IL1RAPL2: variants seen among roughly 807,000 people sequenced by gnomAD.
IL1RAPL2 encodes the protein X-linked interleukin-1 receptor accessory protein-like 2.
In IL1RAPL2, 3 loss-of-function variants were observed where a neutral mutation model predicts 44.1. That is an observed-to-expected ratio of 0.07 (90% CI 0.03 to 0.18). The LOEUF is 0.18. Ranked by LOEUF, IL1RAPL2 falls within the 10% of genes least tolerant of loss-of-function variation. IL1RAPL2 has a pLI of 1.00. For synonymous variants in IL1RAPL2, 181 were observed against 178.8 expected (o/e 1.01, Z -0.10); for missense variants, 391 against 496.4 (o/e 0.79, Z 2.02).
At chrX:104,676,914 C>G (rs772496679) in intron 2 of IL1RAPL2, among the ~76,000 whole-genome samples, 1 of 112,043 alleles carries the variant, frequency 8.9e-6, no homozygotes, top group East Asian at 2.8e-4. Flanking sequence ...CTTCTGCATT[C>G]TTCACGTAGT....
At chrX:105,136,218 AGT>A (rs1293170010) in intron 2 of IL1RAPL2, among the ~76,000 whole-genome samples, 1 of 111,956 alleles carries the variant, frequency 8.9e-6, no homozygotes, top group Non-Finnish European at 1.9e-5. Context: ...TCATTAGGAT[AGT>A]GTTTATTCAC....
intron 3 of IL1RAPL2, among the ~76,000 whole-genome samples, chrX:105,198,090 C>T (rs1454301976): frequency 2.7e-5 from 3 of 111,794 alleles, no homozygotes; most frequent in African/African-American, 9.7e-5. Context: ...TTATTTACAG[C>T]TGCATAGTAT....
chrX:105,044,982 A>G lies in IL1RAPL2; in HGVS notation c.83-150493A>G, dbSNP rs564815300. Among the ~76,000 whole-genome samples the G allele has an allele frequency of 6.9e-4, 77 of 111,723 alleles. 1 individual carries two copies. The South Asian group carries it at 0.012, about 17-fold the overall frequency. Reference sequence around the variant, plus strand: ...CTACCATGGTATAGATTGGAGCCAGAGGACAGATAACTCTAAGAGCAATAC... The same window carrying G: ...CTACCATGGTATAGATTGGAGCCAGGGGACAGATAACTCTAAGAGCAATAC... On this transcript the variant is annotated intron_variant, in intron 2 of 10. Transcript: ENST00000372582.
chrX:105,434,670 C>T (rs974700258), intron 5 of IL1RAPL2, among the ~76,000 whole-genome samples: 14 of 111,866 alleles, frequency 1.3e-4, no homozygotes, highest in African/African-American at 4.5e-4. Flanking sequence ...GTTGCCTGTT[C>T]GCTGTGATGA....
chrX:105,690,423 C>G (rs1340872325), intron 6 of IL1RAPL2, among the ~76,000 whole-genome samples: 1 of 110,869 alleles, frequency 9.0e-6, no homozygotes, highest in East Asian at 2.8e-4. Context: ...TAAGTAGATG[C>G]AATATTAGCT....
At chrX:104,576,551 T>C (rs1206901724) in intron 1 of IL1RAPL2, among the ~76,000 whole-genome samples, 1 of 111,685 alleles carries the variant, frequency 9.0e-6, no homozygotes, top group Non-Finnish European at 1.9e-5. Flanking sequence ...AGGTGGTAAT[T>C]GCAATCTGTT....
intron 2 of IL1RAPL2, among the ~76,000 whole-genome samples, chrX:104,774,067 T>A (rs1217692351): frequency 1.8e-5 from 2 of 111,682 alleles, no homozygotes; most frequent in African/African-American, 6.5e-5. Flanking sequence ...TGAGGCATAT[T>A]TTTTCTCTTT....
chrX:105,313,192 A>C (rs192541444), intron 5 of IL1RAPL2, among the ~76,000 whole-genome samples: 1 of 111,720 alleles, frequency 9.0e-6, no homozygotes, highest in African/African-American at 3.2e-5. Context: ...TTTTTTTGCT[A>C]TCTCCCAAAA....
chrX:104,631,897 T>C lies in IL1RAPL2; in HGVS notation c.-19-26998T>C, dbSNP rs774175332. On this transcript the variant is annotated intron_variant, in intron 1 of 10. Coordinates refer to ENST00000372582, the MANE Select transcript of IL1RAPL2 (RefSeq NM_017416.2). Reference sequence around the variant, plus strand: ...TTTGTTGCCATTGCTTTTGGTGTTTTAGACATGAAGTCCTTGCCCATGCCT... The same window carrying C: ...TTTGTTGCCATTGCTTTTGGTGTTTCAGACATGAAGTCCTTGCCCATGCCT... Among the ~76,000 whole-genome samples, 276 of 110,324 alleles carry C rather than the reference T, an allele frequency of 2.5e-3. 1 individual carries two copies. Among genetic ancestry groups the C allele is most frequent in the Non-Finnish European group, 3.5e-3 (187 of 52,690 alleles).
intron 9 of IL1RAPL2, among the ~76,000 whole-genome samples, chrX:105,750,214 C>T (rs1162259603): frequency 4.7e-5 from 5 of 106,887 alleles, no homozygotes; most frequent in Non-Finnish European, 9.6e-5. Context: ...TAGTAAATTA[C>T]AGAAATTCTT....
At chrX:105,216,802 A>G (rs930531885) in intron 3 of IL1RAPL2, among the ~76,000 whole-genome samples, 2 of 111,648 alleles carry the variant, frequency 1.8e-5, no homozygotes, top group African/African-American at 3.3e-5. Flanking sequence ...AACACCACAC[A>G]TCTACAACCA....
At chrX:105,189,953 T>C (rs1602999369) in intron 2 of IL1RAPL2, among the ~76,000 whole-genome samples, 1 of 112,155 alleles carries the variant, frequency 8.9e-6, no homozygotes, top group African/African-American at 3.2e-5. Context: ...TTATAAGTTC[T>C]GTGTCTAACT....
At chrX:104,856,600 A>G (rs1423702696) in intron 2 of IL1RAPL2, among the ~76,000 whole-genome samples, 2 of 111,711 alleles carry the variant, frequency 1.8e-5, no homozygotes, top group East Asian at 2.8e-4. Flanking sequence ...TGTATACTTA[A>G]TCCTGGAACA....
intron 2 of IL1RAPL2, among the ~76,000 whole-genome samples, chrX:104,785,090 C>T (rs1932791801): frequency 9.0e-6 from 1 of 110,558 alleles, no homozygotes; most frequent in East Asian, 2.8e-4. Context: ...CAGCTCACTG[C>T]AACCTCAACC....
chrX:105,023,290 C>T (rs762175423), intron 2 of IL1RAPL2, among the ~76,000 whole-genome samples: 2 of 110,571 alleles, frequency 1.8e-5, no homozygotes, highest in African/African-American at 3.3e-5. Flanking sequence ...CTGAAACTTT[C>T]GAATCTTCTC....
chrX:105,733,964 A>G (rs1178792499), intron 7 of IL1RAPL2, among the ~76,000 whole-genome samples: 1 of 111,476 alleles, frequency 9.0e-6, no homozygotes, highest in Non-Finnish European at 1.9e-5. Context: ...TAGGCTTTTA[A>G]TGTGAGATTT....
rs865998275 is a variant in IL1RAPL2, at chrX:105,520,931, T to C, written c.772+36544T>C. Among the ~76,000 whole-genome samples, 544 of 70,708 alleles carry C rather than the reference T, an allele frequency of 7.7e-3. 3 individuals carry two copies. Among genetic ancestry groups the C allele is most frequent in the African/African-American group, 0.029 (468 of 16,236 alleles). 61.4% of individuals were successfully genotyped at this position (70,708 alleles called of 115,157 possible). A position where few individuals can be genotyped will look rare whatever the true frequency, so the allele number is the denominator to read the frequency against. ...TAGCTATTTCTTTCTTTCTTTTTTT[T>C]TTTTTTTTTTTTTTTTTTTTTGTGA... On this transcript the variant is annotated intron_variant, in intron 6 of 10. Coordinates refer to ENST00000372582, the MANE Select transcript of IL1RAPL2 (RefSeq NM_017416.2).
At chrX:105,437,046 T>C (rs1272159902) in intron 5 of IL1RAPL2, among the ~76,000 whole-genome samples, 1 of 104,767 alleles carries the variant, frequency 9.5e-6, no homozygotes, top group East Asian at 2.9e-4. Context: ...TATATATATA[T>C]ATACCATATT....
intron 1 of IL1RAPL2, among the ~76,000 whole-genome samples, chrX:104,597,755 G>T (rs1278412655): frequency 9.0e-6 from 1 of 110,789 alleles, no homozygotes; most frequent in Non-Finnish European, 1.9e-5. Context: ...TCTAGCTTGA[G>T]ACTTCAGGCA....
Sources: gnomAD v4.1 joint callset for allele counts (sites outside exome capture counted in the v4.1 genomes callset) on GRCh38, gnomAD v4.1.1 for gene constraint, MANE v1.5 for transcripts, NCBI Gene and HGNC (gene_info 2026-07-23, HGNC 2026-07-21) for gene names.